CREM: variants seen among roughly 807,000 people sequenced by gnomAD.
CREM encodes cAMP-responsive element modulator.
A neutral mutation model predicts 37.3 loss-of-function variants in CREM; 13 were observed. That is an observed-to-expected ratio of 0.35 (90% CI 0.23 to 0.55). CREM has a LOEUF of 0.55. CREM is among the 20% of genes least tolerant of loss of function. CREM has a pLI of 0.88. For missense variants in CREM, 296 were observed against 362.3 expected, an observed-to-expected ratio of 0.82 and a Z score of 1.49; for synonymous variants, 124 against 120.2, an observed-to-expected ratio of 1.03 and a Z score of -0.21.
At chr10:35,140,718 T>C (rs1193568201) in intron 2 of CREM, among the ~76,000 whole-genome samples, 1 of 152,218 alleles carries the variant, frequency 6.6e-6, no homozygotes, top group Non-Finnish European at 1.5e-5. Context: ...GCTATTAGAA[T>C]AGGCCTTTGA....
intron 3 of CREM, among the ~76,000 whole-genome samples, chr10:35,149,215 T>C (rs2135997040): frequency 6.6e-6 from 1 of 152,278 alleles, no homozygotes; most frequent in East Asian, 1.9e-4. Context: ...GTGCTTTATA[T>C]ATCTCCTTTG....
chr10:35,208,604 C>G (rs771349951), intron 7 of CREM, among the ~76,000 whole-genome samples: 9 of 152,174 alleles, frequency 5.9e-5, no homozygotes, highest in African/African-American at 1.7e-4. Flanking sequence ...ACTCCCGCTC[C>G]CGGCTGTGTC....
chr10:35,134,749 G>C (rs1253715413), intron 1 of CREM, among the ~76,000 whole-genome samples: 1 of 152,096 alleles, frequency 6.6e-6, no homozygotes, highest in East Asian at 1.9e-4. Flanking sequence ...CGACAGCAGT[G>C]AAATTGAGCC....
chr10:35,147,448 T>C (rs1455801421), intron 2 of CREM, among the ~76,000 whole-genome samples: 1 of 152,178 alleles, frequency 6.6e-6, no homozygotes, highest in African/African-American at 2.4e-5. Flanking sequence ...AAAGAGTCCA[T>C]ATAGAAATCA....
chr10:35,189,763 A>G (rs1462389672), intron 6 of CREM, among the ~76,000 whole-genome samples: 1 of 152,120 alleles, frequency 6.6e-6, no homozygotes, highest in East Asian at 1.9e-4. Context: ...CAGTCCACCC[A>G]CCTTGGCCTC....
In CREM at chr10:35,211,243, G is replaced by C; in HGVS notation, c.756-11G>C. 6.2e-7 allele frequency: 1 copy of C among 1,611,202 alleles called. No individual in the cohort carries two copies. Among genetic ancestry groups the C allele is most frequent in the Non-Finnish European group, 8.5e-7 (1 of 1,178,420 alleles). ...CTGTTCCTGTAGTCATTTGCCTTGT[G>C]TTGCTTCCAGGGAAGCTGCCCGGGA... On this transcript the variant is annotated splice_polypyrimidine_tract_variant and intron_variant, in intron 7 of 7. Transcript: ENST00000685392.
At chr10:35,186,576 T>C (rs909700215) in intron 5 of CREM, among the ~76,000 whole-genome samples, 9 of 148,402 alleles carry the variant, frequency 6.1e-5, no homozygotes, top group East Asian at 1.9e-4. Flanking sequence ...TTCTAGACTT[T>C]AGCTTTATAA....
chr10:35,128,377 A>T (rs566908605), intron 1 of CREM, among the ~76,000 whole-genome samples: 1 of 152,262 alleles, frequency 6.6e-6, no homozygotes, highest in East Asian at 1.9e-4. Context: ...CGGGCAGATG[A>T]GGGTGTACCT....
chr10:35,192,514 A>G (rs760887112), intron 6 of CREM, among the ~76,000 whole-genome samples: 8 of 151,846 alleles, frequency 5.3e-5, no homozygotes, highest in Non-Finnish European at 8.8e-5. Context: ...ATGCCCAGCT[A>G]ATTTTTGTAT....
intron 2 of CREM, among the ~76,000 whole-genome samples, chr10:35,139,135 T>C (rs2135676488): frequency 6.6e-6 from 1 of 152,156 alleles, no homozygotes; most frequent in East Asian, 1.9e-4. Context: ...CAATTTTTTT[T>C]TTTTTTGAGA....
chr10:35,160,663 A>G (rs2093235031), intron 3 of CREM, among the ~76,000 whole-genome samples: 1 of 152,248 alleles, frequency 6.6e-6, no homozygotes, highest in African/African-American at 2.4e-5. Flanking sequence ...ACTGTAGCTT[A>G]CTGTAAGTTT....
chr10:35,129,898 C>G (rs1176480828), intron 1 of CREM, among the ~76,000 whole-genome samples: 1 of 152,122 alleles, frequency 6.6e-6, no homozygotes, highest in East Asian at 1.9e-4. Context: ...AACACAGGAA[C>G]TTAAAAATCC....
intron 3 of CREM, among the ~76,000 whole-genome samples, chr10:35,175,285 A>G (rs2094000494): frequency 6.6e-6 from 1 of 152,196 alleles, no homozygotes; most frequent in Admixed American, 6.5e-5. Flanking sequence ...TCTCTACTAA[A>G]AATACAAACA....
intron 6 of CREM, chr10:35,196,320 A>T: frequency 1.9e-6 from 1 of 532,816 alleles, no homozygotes; most frequent in Non-Finnish European, 3.3e-6. Flanking sequence ...GTAATTTTTC[A>T]CTAGGTTTGC....
chr10:35,143,111 C>T (rs1428601677), intron 2 of CREM, among the ~76,000 whole-genome samples: 1 of 152,170 alleles, frequency 6.6e-6, no homozygotes, highest in Non-Finnish European at 1.5e-5. Flanking sequence ...GCTGGGATTA[C>T]AGGCGCCTGC....
intron 6 of CREM, among the ~76,000 whole-genome samples, chr10:35,196,887 T>TTTTTTTTG: frequency 6.8e-6 from 1 of 147,850 alleles, no homozygotes; most frequent in East Asian, 2.0e-4. Flanking sequence ...TTTTTTTTTT[T>TTTTTTTTG]GAGACGGGGT....
chr10:35,193,686 C>T (rs917017417), intron 6 of CREM, among the ~76,000 whole-genome samples: 2 of 152,168 alleles, frequency 1.3e-5, no homozygotes, highest in Admixed American at 6.5e-5. Flanking sequence ...GAAACTTTAC[C>T]TCCTGAGCAT....
At chr10:35,128,304 G>C (rs1228392804) in intron 1 of CREM, among the ~76,000 whole-genome samples, 1 of 152,152 alleles carries the variant, frequency 6.6e-6, no homozygotes, top group Admixed American at 6.6e-5. Flanking sequence ...CACTGAAATT[G>C]AAAGAGCTCC....
intron 6 of CREM, among the ~76,000 whole-genome samples, chr10:35,192,918 C>G (rs1481008433): frequency 6.6e-6 from 1 of 152,176 alleles, no homozygotes; most frequent in Admixed American, 6.5e-5. Context: ...TAATAGCTGC[C>G]TACCTCTCCA....
Sources: allele counts gnomAD v4.1 joint callset (sites outside exome capture counted in the v4.1 genomes callset), GRCh38; gene constraint gnomAD v4.1.1; transcripts MANE v1.5; gene names NCBI Gene and HGNC (gene_info 2026-07-23, HGNC 2026-07-21).